ANAPC4: variants seen among roughly 807,000 people sequenced by gnomAD.
ANAPC4 encodes anaphase-promoting complex subunit 4.
ANAPC4 carries 63 observed loss-of-function variants against 119.8 expected under a neutral mutation model. That is an observed-to-expected ratio of 0.53 (90% CI 0.43 to 0.65). ANAPC4 has a LOEUF of 0.65. Ranked by LOEUF, ANAPC4 falls within the 30% of genes least tolerant of loss-of-function variation. The pLI is 0.00. For missense variants in ANAPC4, 716 were observed against 945.1 expected (o/e 0.76, Z 3.18); for synonymous variants, 283 against 318.6 (o/e 0.89, Z 1.19).
intron 12 of ANAPC4, 104 bp from the exon 13 acceptor site, chr4:25,394,563 ATTTC>A (rs1722532284): frequency 7.9e-6 from 10 of 1,264,732 alleles, no homozygotes; most frequent in Middle Eastern, 2.8e-4. Flanking sequence ...TTGTGGGGCT[ATTTC>A]TTTATTTTGT....
At chr4:25,399,885 G>T (rs1003167118) in intron 16 of ANAPC4, among the ~76,000 whole-genome samples, 1 of 152,182 alleles carries the variant, frequency 6.6e-6, no homozygotes, top group Non-Finnish European at 1.5e-5. Flanking sequence ...AAGGAAATGG[G>T]AGAGACAGAA....
At position 25,396,748 on chromosome 4, in the gene ANAPC4, T is replaced by C. The variant is rs1338906688; in HGVS notation, c.1146T>C (p.Asp382=). 1 of 1,613,410 alleles carries C rather than the reference T, an allele frequency of 6.2e-7. No homozygotes were observed. The highest frequency in any genetic ancestry group is 1.7e-5 in the Admixed American group (1 of 59,842). The change falls in exon 15 of 29, where the codon GAT becomes GAC. Residue 382 remains aspartate, a synonymous_variant. Transcript: ENST00000315368. ...AAAAATATGAACCTCTTGGACTAGA[T>C]GCTGCAGGAATCGAAGGTAGTGATT... is the stretch of plus-strand genomic sequence containing the variant. ...WKQKYEPLGL[D]AAGIEEAITA...
chr4:25,402,884 A>T (rs1723053797), intron 16 of ANAPC4, 87 bp from the exon 17 acceptor site: 1 of 707,160 alleles, frequency 1.4e-6, no homozygotes, highest in Admixed American at 3.1e-5. Context: ...AACAGTAAGG[A>T]TTATGATATT....
chr4:25,414,250 G>A, intron 22 of ANAPC4, 74 bp from the exon 23 acceptor site: 1 of 1,068,504 alleles, frequency 9.4e-7, no homozygotes, highest in South Asian at 1.7e-5. Flanking sequence ...AACAGTGATG[G>A]TCAGTCACTT....
chr4:25,410,530 G>A (rs1723502971), intron 21 of ANAPC4, among the ~76,000 whole-genome samples: 1 of 152,102 alleles, frequency 6.6e-6, no homozygotes, highest in Admixed American at 6.6e-5. Context: ...TTACTAATGA[G>A]GAAACAGAAG....
At position 25,393,824 on chromosome 4, in the gene ANAPC4, C is replaced by T; in HGVS notation, c.809C>T (p.Thr270Ile). The change falls in exon 11 of 29, where the codon ACA becomes ATA. Residue 270 changes from threonine to isoleucine, a missense_variant. By Grantham distance (89) the Thr-to-Ile change is moderately conservative (BLOSUM62 -1). Around this residue, in one of 3 missense-constraint regions of ANAPC4, gnomAD observed 10 missense variants for 35.8 expected, o/e 0.28. Transcript: ENST00000315368. ...TAATAGTATATAAATTTGTCACTAA[C>T]ATGTATGTGTGAAGCATGGGAAGAA... Reference protein sequence around the residue: ...ALLQYINLSLTCMCEAWEEIL... With the variant: ...ALLQYINLSLICMCEAWEEIL... 1 of 1,605,708 alleles carries T rather than the reference C, an allele frequency of 6.2e-7. No homozygotes were observed. The highest frequency in any genetic ancestry group is 8.5e-7 in the Non-Finnish European group (1 of 1,175,928).
chr4:25,415,438 C>T (rs1415064006), intron 25 of ANAPC4, 28 bp from the exon 26 acceptor site: 10 of 1,576,152 alleles, frequency 6.3e-6, no homozygotes, highest in Non-Finnish European at 7.8e-6. Flanking sequence ...TCCACAGAGT[C>T]TCTTTTTTTC....
At chr4:25,399,925 G>A (rs1488324568) in intron 16 of ANAPC4, among the ~76,000 whole-genome samples, 1 of 152,188 alleles carries the variant, frequency 6.6e-6, no homozygotes, top group Non-Finnish European at 1.5e-5. Flanking sequence ...CCTGCAGGCT[G>A]AGTGAAGAAG....
chr4:25,398,345 G>A (rs746430979), intron 16 of ANAPC4, among the ~76,000 whole-genome samples: 2 of 152,166 alleles, frequency 1.3e-5, no homozygotes, highest in Non-Finnish European at 2.9e-5. Context: ...CTTTATATAG[G>A]TGGTCAGGGA....
intron 4 of ANAPC4, among the ~76,000 whole-genome samples, chr4:25,387,905 G>T (rs531230434): frequency 1.3e-5 from 2 of 152,112 alleles, no homozygotes; most frequent in Non-Finnish European, 2.9e-5. Flanking sequence ...GGGAGGCTGA[G>T]GCAGGAGGAA....
Position 25,383,410 on chromosome 4 carries a change from A to C in ANAPC4, c.368+17A>C. The stretch of plus-strand genomic sequence containing the variant: ...AGAAAGCAGGTAATTAGAAAAACTT[A>C]TGTAGTCATAGGGTATTCATGAGAT... On this transcript the variant is annotated intron_variant, in intron 4 of 28. Transcript: ENST00000315368. The C allele has an allele frequency of 6.3e-7, 1 of 1,596,810 alleles. No homozygotes were observed. Among genetic ancestry groups the C allele is most frequent in the South Asian group, 1.2e-5 (1 of 86,364 alleles).
intron 20 of ANAPC4, among the ~76,000 whole-genome samples, chr4:25,408,968 C>T (rs1357246069): frequency 6.6e-6 from 1 of 152,130 alleles, no homozygotes; most frequent in South Asian, 2.1e-4. Context: ...ATAAATGAAA[C>T]TATGAGTATG....
chr4:25,406,284 A>G (rs982730630), intron 18 of ANAPC4, among the ~76,000 whole-genome samples: 12 of 152,314 alleles, frequency 7.9e-5, no homozygotes, highest in African/African-American at 2.9e-4. Context: ...AAACCAGGAA[A>G]GTTTCACAAT....
intron 21 of ANAPC4, 166 bp from the exon 22 acceptor site, chr4:25,413,479 C>T: frequency 1.9e-6 from 1 of 529,596 alleles, no homozygotes; most frequent in East Asian, 3.0e-5. Context: ...GGCAGAAGAC[C>T]ATGGTCGTTT....
chr4:25,410,047 C>T (rs1688712565), intron 21 of ANAPC4, among the ~76,000 whole-genome samples: 1 of 152,282 alleles, frequency 6.6e-6, no homozygotes, highest in Non-Finnish European at 1.5e-5. Flanking sequence ...AAGTGTTTTG[C>T]ACCCTGTAAA....
Position 25,390,173 on chromosome 4 carries a change from A to G in ANAPC4, c.553A>G (p.Ile185Val), listed in dbSNP as rs535218219. Residue 185 changes from isoleucine to valine, a missense_variant, in exon 8 of 29, where the codon ATT becomes GTT. Coordinates refer to ENST00000315368, the MANE Select transcript of ANAPC4 (RefSeq NM_013367.3). ...CGTCCTTGGAGGAAGCTCTGGATTT[A>G]TTGAGCTTTATGCTTATGGAATGTT... is the stretch of plus-strand genomic sequence containing the variant. The part of the protein sequence containing the change: ...ILVLGGSSGF[I>V]ELYAYGMFKI... The G allele has an allele frequency of 1.2e-6, 2 of 1,613,242 alleles. No individual in the cohort carries two copies. The highest frequency in any genetic ancestry group is 1.1e-5 in the South Asian group (1 of 90,968).
At chr4:25,387,480 G>A (rs1473273226) in intron 4 of ANAPC4, among the ~76,000 whole-genome samples, 1 of 152,134 alleles carries the variant, frequency 6.6e-6, no homozygotes, top group Non-Finnish European at 1.5e-5. Context: ...AGATAATGAA[G>A]GATTACAAAT....
Position 25,409,625 on chromosome 4 carries a change from T to G in ANAPC4, c.1432-73T>G, listed in dbSNP as rs1439052009. 8.4e-6 allele frequency: 10 copies of G among 1,196,466 alleles called. No homozygotes were observed. In the Admixed American group the frequency reaches 2.2e-4, roughly 26 times the overall value. The allele number at this position is 1,196,466 out of a possible 1,614,324, so 74.1% of individuals were successfully genotyped here. On this transcript the variant is annotated intron_variant, in intron 20 of 28. Coordinates refer to ENST00000315368, the MANE Select transcript of ANAPC4 (RefSeq NM_013367.3). The stretch of plus-strand genomic sequence containing the variant: ...TTACTAAACTTAACTTTTTTTTGTC[T>G]TTTACTTTTTTTCTTTTTCCATTTT...
In ANAPC4 at chr4:25,381,355, G is replaced by A. The variant is rs948072825; in HGVS notation, c.235+876G>A. On this transcript the variant is annotated intron_variant, in intron 3 of 28. Transcript: ENST00000315368. ...CCAGGCTGGAGTGCAGTGCAGTGGT[G>A]CAATCTCGGCTCACTGCAACCTTGG... Among the ~76,000 whole-genome samples the A allele has an allele frequency of 9.2e-5, 14 of 151,376 alleles. 1 individual carries two copies. The highest frequency in any genetic ancestry group is 1.9e-4 in the Non-Finnish European group (13 of 68,008).
Sources: gnomAD v4.1 joint callset for allele counts (sites outside exome capture counted in the v4.1 genomes callset) on GRCh38, gnomAD v4.1.1 for gene constraint, gnomAD v4.1.1 regional missense constraint, MANE v1.5 for transcripts, NCBI Gene and HGNC (gene_info 2026-07-23, HGNC 2026-07-21) for gene names.